Variants in RIMBP2 observed in about 807,000 individuals in gnomAD.
RIMBP2 encodes RIMS-binding protein 2.
In RIMBP2, 48 loss-of-function variants were observed where a neutral mutation model predicts 118.6. That is an observed-to-expected ratio of 0.40 (90% CI 0.32 to 0.51). The LOEUF is 0.51. RIMBP2 is among the 20% of genes least tolerant of loss of function. RIMBP2 has a pLI of 0.41. For synonymous variants in RIMBP2, 762 were observed against 742.9 expected, an observed-to-expected ratio of 1.03 and a Z score of -0.42; for missense variants, 1,551 against 1,768.3, an observed-to-expected ratio of 0.88 and a Z score of 2.20.
At chr12:130,672,906 C>G (rs1285378882) in intron 1 of RIMBP2, among the ~76,000 whole-genome samples, 2 of 152,232 alleles carry the variant, frequency 1.3e-5, no homozygotes, top group African/African-American at 4.8e-5. Context: ...TAGATCCACA[C>G]TTCGTCACCT....
At chr12:130,476,986 G>A (rs1341063079) in intron 5 of RIMBP2, among the ~76,000 whole-genome samples, 1 of 152,124 alleles carries the variant, frequency 6.6e-6, no homozygotes, top group African/African-American at 2.4e-5. Flanking sequence ...AAGAAGTCCC[G>A]GATCTCATTC....
intron 1 of RIMBP2, among the ~76,000 whole-genome samples, chr12:130,648,074 G>A (rs1391649035): frequency 7.7e-6 from 1 of 129,970 alleles, no homozygotes; most frequent in East Asian, 1.9e-4. Flanking sequence ...CAAAGGGCAT[G>A]TCAGGAGTCA....
intron 14 of RIMBP2, among the ~76,000 whole-genome samples, chr12:130,432,674 A>G (rs2077223191): frequency 6.6e-6 from 1 of 152,194 alleles, no homozygotes; most frequent in African/African-American, 2.4e-5. Context: ...ACTCAGGGAG[A>G]AGGCACCATC....
chr12:130,442,334 G>T lies in RIMBP2; in HGVS notation c.1018C>A (p.Pro340Thr). The change falls in exon 11 of 23, where the codon CCA becomes ACA. Residue 340 changes from proline (P) to threonine (T), a missense_variant. Coordinates refer to ENST00000690449, the MANE Select transcript of RIMBP2 (RefSeq NM_001393629.1). This position sits in a 1 kb window ranked among gnomAD's most constrained non-coding sequence, Gnocchi z 6.9. ...CTGCTCACCGTTCCCCATCCTGGTG[G>T]CACCGCCGGGGGCTCCCAGCCCACA... The part of the protein sequence containing the change: ...VIVGWEPPAV[P>T]PGWGTVSSYN... The T allele has an allele frequency of 1.2e-6, 2 of 1,614,230 alleles. No individual in the cohort carries two copies. Among genetic ancestry groups the T allele is most frequent in the South Asian group, 1.1e-5 (1 of 91,082 alleles).
At chr12:130,579,004 A>G (rs2058282539) in intron 2 of RIMBP2, among the ~76,000 whole-genome samples, 2 of 152,192 alleles carry the variant, frequency 1.3e-5, no homozygotes, top group Admixed American at 1.3e-4. Context: ...TCAAGGACAA[A>G]TCAGTTATTT....
chr12:130,599,201 T>C (rs1204284123), intron 2 of RIMBP2, among the ~76,000 whole-genome samples: 2 of 151,526 alleles, frequency 1.3e-5, no homozygotes, highest in Non-Finnish European at 3.0e-5. Context: ...TTTGTGACTT[T>C]AGATTAAACA....
At chr12:130,693,678 G>T (rs757784575) in intron 1 of RIMBP2, among the ~76,000 whole-genome samples, 8 of 152,226 alleles carry the variant, frequency 5.3e-5, no homozygotes, top group African/African-American at 1.9e-4. Flanking sequence ...CATGGAAATA[G>T]CTAAATAGCT....
intron 2 of RIMBP2, among the ~76,000 whole-genome samples, chr12:130,583,179 G>T (rs1474701064): frequency 6.6e-6 from 1 of 152,110 alleles, no homozygotes; most frequent in Non-Finnish European, 1.5e-5. Flanking sequence ...CAAAGGCAAG[G>T]CCCAACACTC....
chr12:130,673,598 C>T (rs973911017), intron 1 of RIMBP2, among the ~76,000 whole-genome samples: 4 of 152,140 alleles, frequency 2.6e-5, no homozygotes, highest in Non-Finnish European at 5.9e-5. Flanking sequence ...AATCCTGCTT[C>T]GAGCCTGGAT....
rs1164167466 is a variant in RIMBP2, at chr12:130,431,774, G to A, written c.2253+2960C>T. The stretch of plus-strand genomic sequence containing the variant: ...CTCTGCAGTCTCATCAGAAGGAGTG[G>A]GAGGCCCTCGGAAGTGCAGAGCTGT... On this transcript the variant is annotated intron_variant, in intron 14 of 22. Transcript: ENST00000690449. This position sits in a 1 kb window ranked among gnomAD's most constrained non-coding sequence, Gnocchi z 4.0. 6.5e-6 allele frequency: 1 copy of A among 153,966 alleles called. No homozygotes were observed. The highest frequency in any genetic ancestry group is 1.9e-4 in the East Asian group (1 of 5,262). The allele number at this position is 153,966 out of a possible 1,614,324, so 9.5% of individuals were successfully genotyped here. A position where few individuals can be genotyped will look rare whatever the true frequency, so the allele number is the denominator to read the frequency against.
In RIMBP2 at chr12:130,703,830, AGAGATC is replaced by A. The variant is rs769922272; in HGVS notation, c.-352+12386_-352+12391del. ...GCTTAGGAAATACAGAGAGAGAGAG[AGAGATC>A]GATCTAGAAGCACGGAGGGAACCCT... On this transcript the variant is annotated intron_variant, in intron 1 of 22. Coordinates refer to ENST00000690449, the MANE Select transcript of RIMBP2 (RefSeq NM_001393629.1). This position sits in a 1 kb window ranked among gnomAD's most constrained non-coding sequence, Gnocchi z 5.7. Among the ~76,000 whole-genome samples the A allele has an allele frequency of 0.064, 9,307 of 145,314 alleles. 396 individuals are homozygous for A. Among genetic ancestry groups the A allele is most frequent in the Non-Finnish European group, 0.093 (6,247 of 67,432 alleles).
intron 1 of RIMBP2, among the ~76,000 whole-genome samples, chr12:130,685,249 C>T (rs573772700): frequency 2.6e-5 from 4 of 152,260 alleles, no homozygotes; most frequent in South Asian, 4.1e-4. Flanking sequence ...TTTACCTCTC[C>T]GTCTCCAGAT....
At chr12:130,616,271 C>T (rs987892397) in intron 2 of RIMBP2, among the ~76,000 whole-genome samples, 2 of 151,624 alleles carry the variant, frequency 1.3e-5, no homozygotes, top group South Asian at 2.1e-4. Context: ...CCTTTCTGTA[C>T]CCCCATCTGT....
At chr12:130,518,775 G>T (rs1215864648) in intron 2 of RIMBP2, among the ~76,000 whole-genome samples, 1 of 152,196 alleles carries the variant, frequency 6.6e-6, no homozygotes, top group Non-Finnish European at 1.5e-5. Context: ...TGAGCACAGA[G>T]ATGGGATTAA....
At chr12:130,664,403 G>GCACGCACGCA (rs1367677737) in intron 1 of RIMBP2, among the ~76,000 whole-genome samples, 2 of 61,694 alleles carry the variant, frequency 3.2e-5, no homozygotes, top group Non-Finnish European at 8.8e-5. Flanking sequence ...ACACACGCAC[G>GCACGCACGCA]CACGCACGCA....
In RIMBP2 at chr12:130,632,314, T is replaced by C. The variant is rs114270901; in HGVS notation, c.-351-3858A>G. On this transcript the variant is annotated intron_variant, in intron 1 of 22. Transcript: ENST00000690449. ...TATTCTGCTCCTCTAAGGAATCATG[T>C]TCTCTCAGAGAAATCATTAAGAATA... is the stretch of plus-strand genomic sequence containing the variant. 8.7e-3 allele frequency among the ~76,000 whole-genome samples: 1,322 copies of C among 152,340 alleles called. 18 individuals are homozygous for C. The highest frequency in any genetic ancestry group is 0.03 in the African/African-American group (1,260 of 41,576).
intron 3 of RIMBP2, among the ~76,000 whole-genome samples, chr12:130,509,223 T>C (rs1392001553): frequency 6.6e-6 from 1 of 152,216 alleles, no homozygotes; most frequent in African/African-American, 2.4e-5. Flanking sequence ...ACAGGACAGT[T>C]TATGCTGAAC....
In RIMBP2 at chr12:130,578,183, G is replaced by C. The variant is rs1350163397; in HGVS notation, c.-217+50139C>G. Among the ~76,000 whole-genome samples the C allele has an allele frequency of 1.3e-5, 2 of 152,206 alleles. No homozygotes were observed. The highest frequency in any genetic ancestry group is 4.8e-5 in the African/African-American group (2 of 41,448). ...AGGTAGTGCAGGCTTGGAAGCTGAT[G>C]AGGAGGCATGGGTCAGGGCCTGAGC... On this transcript the variant is annotated intron_variant, in intron 2 of 22. Transcript: ENST00000690449. This position sits in a 1 kb window ranked among gnomAD's most constrained non-coding sequence, Gnocchi z 4.1.
rs937788829 is a variant in RIMBP2 at position 130,623,500 on chromosome 12, A to G, written c.-217+4822T>C. Reference sequence around the variant, plus strand: ...GGACAAGTATGTTCCCTGCTGTAGTACTGATAATAATTAGGCATGGTTAGG... The same window carrying G: ...GGACAAGTATGTTCCCTGCTGTAGTGCTGATAATAATTAGGCATGGTTAGG... On this transcript the variant is annotated intron_variant, in intron 2 of 22. Coordinates refer to ENST00000690449, the MANE Select transcript of RIMBP2 (RefSeq NM_001393629.1). The surrounding 1 kb of genome is among the most constrained non-coding windows in gnomAD (Gnocchi z 4.1). Among the ~76,000 whole-genome samples the G allele has an allele frequency of 6.6e-6, 1 of 151,918 alleles. No individual in the cohort carries two copies. Among genetic ancestry groups the G allele is most frequent in the Non-Finnish European group, 1.5e-5 (1 of 68,020 alleles).
Sources: allele counts gnomAD v4.1 joint callset (sites outside exome capture counted in the v4.1 genomes callset), GRCh38; gene constraint gnomAD v4.1.1; non-coding constraint Gnocchi (gnomAD v3.1); transcripts MANE v1.5; gene names NCBI Gene and HGNC (gene_info 2026-07-23, HGNC 2026-07-21).